UQCRC2: variants seen among roughly 807,000 people sequenced by gnomAD.
UQCRC2 encodes cytochrome b-c1 complex subunit 2, mitochondrial.
UQCRC2 carries 49 observed loss-of-function variants against 55.6 expected under a neutral mutation model. The ratio of observed to expected loss-of-function variants is 0.88; its 90% CI spans 0.70 to 1.12. UQCRC2 has a LOEUF of 1.12. UQCRC2 is among the 50% of genes most tolerant of loss of function. UQCRC2 has a pLI of 0.00. For missense variants in UQCRC2, 506 were observed against 547.8 expected (o/e 0.92, Z 0.76); for synonymous variants, 193 against 192.0 (o/e 1.01, Z -0.04).
intron 4 of UQCRC2, chr16:21,962,171 A>G (rs924252892): frequency 8.1e-6 from 3 of 372,630 alleles, no homozygotes; most frequent in Non-Finnish European, 1.0e-5. Flanking sequence ...GAATCATACA[A>G]TATTTGTCCC....
intron 4 of UQCRC2, chr16:21,961,349 G>A (rs1442256293): frequency 2.2e-6 from 1 of 446,398 alleles, no homozygotes; most frequent in Non-Finnish European, 4.5e-6. Flanking sequence ...AAGTATGACA[G>A]AGTCATGATG....
chr16:21,981,740 G>A (rs995940474), intron 13 of UQCRC2, among the ~76,000 whole-genome samples: 3 of 151,912 alleles, frequency 2.0e-5, no homozygotes, highest in African/African-American at 4.8e-5. Flanking sequence ...TCCAGGCTGG[G>A]CAACAGAGTG....
In UQCRC2 at chr16:21,957,466, C is replaced by T; in HGVS notation, c.167C>T (p.Ser56Phe). The change falls in exon 3 of 14, where the codon TCT becomes TTT. Residue 56 changes from serine to phenylalanine, a missense_variant. Coordinates refer to ENST00000268379, the MANE Select transcript of UQCRC2 (RefSeq NM_003366.4). ...GTGATTGCTTCTTTGGAAAACTATT[C>T]TCCTGTATCAAGAATTGGTTTGTTC... ...GLVIASLENY[S>F]PVSRIGLFIK... 3.1e-6 allele frequency: 5 copies of T among 1,614,128 alleles called. No individual in the cohort carries two copies. Among genetic ancestry groups the T allele is most frequent in the Non-Finnish European group, 4.2e-6 (5 of 1,180,020 alleles).
chr16:21,961,665 T>C (rs1898207587), intron 4 of UQCRC2, among the ~76,000 whole-genome samples: 1 of 121,778 alleles, frequency 8.2e-6, no homozygotes, highest in Non-Finnish European at 1.7e-5. Context: ...TATATATATA[T>C]ATATTTTAGA....
rs1898044675 is a variant in UQCRC2 at position 21,953,449 on chromosome 16, C to T, written c.26C>T (p.Ser9Phe). ...ATGAAGCTACTAACCAGAGCCGGCT[C>T]TTTCTCGGTGAGCTCAGGTGGCGGG... is the stretch of plus-strand genomic sequence containing the variant. MKLLTRAG[S>F]FSRFYSLKVA... The change falls in exon 1 of 14, where the codon TCT (serine) becomes TTT (phenylalanine). Residue 9 changes from serine (S) to phenylalanine (F), a missense_variant. Transcript: ENST00000268379. The T allele has an allele frequency of 1.9e-6, 3 of 1,613,224 alleles. No homozygotes were observed. The highest frequency in any genetic ancestry group is 2.5e-6 in the Non-Finnish European group (3 of 1,179,676).
intron 6 of UQCRC2, 92 bp from the exon 7 acceptor site, chr16:21,965,316 A>C (rs148190156): frequency 1.6e-6 from 2 of 1,261,558 alleles, no homozygotes; most frequent in African/African-American, 3.0e-5. Context: ...GAAGATGACC[A>C]AATTTGTATA....
intron 12 of UQCRC2, among the ~76,000 whole-genome samples, chr16:21,978,323 G>C (rs887816740): frequency 2.0e-5 from 3 of 152,162 alleles, no homozygotes; most frequent in Non-Finnish European, 4.4e-5. Flanking sequence ...TGTTTAAATG[G>C]AAGTCTTTCT....
At chr16:21,955,501 T>C (rs1404159136) in intron 1 of UQCRC2, among the ~76,000 whole-genome samples, 3 of 152,190 alleles carry the variant, frequency 2.0e-5, no homozygotes, top group African/African-American at 7.2e-5. Context: ...TCTAATAACC[T>C]CATGAACTTT....
chr16:21,975,192 G>A (rs931845335), intron 11 of UQCRC2, among the ~76,000 whole-genome samples: 2 of 152,174 alleles, frequency 1.3e-5, no homozygotes, highest in Admixed American at 1.3e-4. Flanking sequence ...AGGGAGTTGG[G>A]AGCATTGGCA....
intron 12 of UQCRC2, among the ~76,000 whole-genome samples, chr16:21,978,609 T>C (rs1261267939): frequency 6.6e-6 from 1 of 152,150 alleles, no homozygotes; most frequent in Non-Finnish European, 1.5e-5. Flanking sequence ...ATTAAAATAG[T>C]TTTACCTAGA....
intron 12 of UQCRC2, chr16:21,980,112 GCCTTCTCACTGACAGC>G (rs1898680903): frequency 7.4e-6 from 1 of 134,722 alleles, no homozygotes; most frequent in Non-Finnish European, 1.7e-5. Context: ...GTGGATGACA[GCCTTCTCACTGACAGC>G]AGAGAGATCT....
chr16:21,965,447 C>G lies in UQCRC2; in HGVS notation c.554C>G (p.Ala185Gly). The G allele has an allele frequency of 6.2e-7, 1 of 1,613,926 alleles. No homozygotes were observed. Among genetic ancestry groups the G allele is most frequent in the Non-Finnish European group, 8.5e-7 (1 of 1,179,910 alleles). The change falls in exon 7 of 14, where the codon GCC becomes GGC. Residue 185 changes from alanine to glycine, a missense_variant. Transcript: ENST00000268379. Reference sequence around the variant, plus strand: ...TTGCATGCAGCAGCTTACCGGAATGCCTTGGCTAATCCCTTGTATTGTCCT... The same window carrying G: ...TTGCATGCAGCAGCTTACCGGAATGGCTTGGCTAATCCCTTGTATTGTCCT... ...ENLHAAAYRN[A>G]LANPLYCPDY...
rs746814003 is a variant in UQCRC2 at position 21,983,203 on chromosome 16, A to T, written c.*32A>T. The stretch of plus-strand genomic sequence containing the variant: ...TGCACACATTACAGGAGAGAGCTGA[A>T]CGTTCTCTCAGCCCAGAGCAGCAAA... On this transcript the variant is annotated 3_prime_UTR_variant, in exon 14 of 14. Coordinates refer to ENST00000268379, the MANE Select transcript of UQCRC2 (RefSeq NM_003366.4). 18 of 1,578,168 alleles carry T rather than the reference A, an allele frequency of 1.1e-5. No homozygotes were observed.
rs772826914 is a variant in UQCRC2, at chr16:21,980,554, C to T, written c.1132C>T (p.Leu378=). ...CTGCCTTTTATTGGACAGGAACAAG[C>T]TGAAAGCTGGATACCTAATGTCAGT... ...NTDVQAAKNK[L]KAGYLMSVES... is the part of the protein sequence containing the mutation. The change falls in exon 13 of 14, where the codon CTG becomes TTG. Residue 378 remains leucine, a synonymous_variant. Transcript: ENST00000268379. 1.9e-6 allele frequency: 3 copies of T among 1,613,676 alleles called. No homozygotes were observed. In the Admixed American group the frequency reaches 5.0e-5, roughly 27 times the overall value.
chr16:21,971,419 T>C, intron 8 of UQCRC2, 106 bp from the exon 9 acceptor site: 1 of 878,684 alleles, frequency 1.1e-6, no homozygotes, highest in Non-Finnish European at 1.7e-6. Flanking sequence ...ATTTATTTTG[T>C]AGTGTTAGGA....
Position 21,983,207 on chromosome 16 carries a change from T to C in UQCRC2, c.*36T>C. 1 of 1,585,232 alleles carries C rather than the reference T, an allele frequency of 6.3e-7. No homozygotes were observed. The highest frequency in any genetic ancestry group is 8.6e-7 in the Non-Finnish European group (1 of 1,156,576). ...CACATTACAGGAGAGAGCTGAACGT[T>C]CTCTCAGCCCAGAGCAGCAAACACA... On this transcript the variant is annotated 3_prime_UTR_variant, in exon 14 of 14. Transcript: ENST00000268379.
At chr16:21,966,469 A>G (rs888581540) in intron 7 of UQCRC2, among the ~76,000 whole-genome samples, 1 of 152,222 alleles carries the variant, frequency 6.6e-6, no homozygotes, top group Non-Finnish European at 1.5e-5. Flanking sequence ...AGACCCAAAA[A>G]CAAATTTTAT....
At position 21,980,692 on chromosome 16, in the gene UQCRC2, A is replaced by C; in HGVS notation, c.1270A>C (p.Ile424Leu). Residue 424 changes from isoleucine to leucine, a missense_variant, in exon 13 of 14, where the codon ATC becomes CTC. Transcript: ENST00000268379. ...GATTGATTCAGTGGCTAATGCTGAT[A>C]TCATAAATGTAAGTAAATGAAAACT... ...QQIDSVANAD[I>L]INAAKKFVSG... 6.2e-7 allele frequency: 1 copy of C among 1,612,392 alleles called. No individual in the cohort carries two copies. Among genetic ancestry groups the C allele is most frequent in the South Asian group, 1.1e-5 (1 of 90,522 alleles).
intron 12 of UQCRC2, 31 bp from the exon 13 acceptor site, chr16:21,980,516 C>T: frequency 6.2e-7 from 1 of 1,605,022 alleles, no homozygotes. Flanking sequence ...GCCTTGCTCT[C>T]TAAAACTGAC....
Sources: gnomAD v4.1 joint callset for allele counts (sites outside exome capture counted in the v4.1 genomes callset) on GRCh38, gnomAD v4.1.1 for gene constraint, MANE v1.5 for transcripts, NCBI Gene and HGNC (gene_info 2026-07-23, HGNC 2026-07-21) for gene names.